Variants in PAQR5 observed in about 807,000 individuals in gnomAD.
PAQR5 encodes progestin and adipoQ receptor family member 5.
Under a neutral mutation model 34.5 loss-of-function variants are expected in PAQR5, and 20 were observed. The ratio of observed to expected loss-of-function variants is 0.58; its 90% CI spans 0.41 to 0.84. The LOEUF is 0.84. Among genes scored for constraint, PAQR5 ranks in the 40% least tolerant of loss-of-function variants. The pLI, the probability that PAQR5 is intolerant of heterozygous loss-of-function variation, is 0.00. For synonymous variants in PAQR5, 131 were observed against 155.6 expected (o/e 0.84, Z 1.18); for missense variants, 378 against 412.7 (o/e 0.92, Z 0.73).
At chr15:69,351,026 A>G (rs2054904164) in intron 2 of PAQR5, among the ~76,000 whole-genome samples, 1 of 152,216 alleles carries the variant, frequency 6.6e-6, no homozygotes, top group African/African-American at 2.4e-5. Flanking sequence ...TGAGCTGATC[A>G]GTGGAGTTTT....
rs2056064485 is a variant in PAQR5 at position 69,384,855 on chromosome 15, T to C, written c.358T>C (p.Tyr120His). 1 of 1,614,042 alleles carries C rather than the reference T, an allele frequency of 6.2e-7. No homozygotes were observed. Among genetic ancestry groups the C allele is most frequent in the Non-Finnish European group, 8.5e-7 (1 of 1,179,948 alleles). The change falls in exon 5 of 9, where the codon TAT becomes CAT. Residue 120 changes from tyrosine (Y) to histidine (H), a missense_variant. Coordinates refer to ENST00000395407, the MANE Select transcript of PAQR5 (RefSeq NM_017705.4). The part of the protein sequence containing the change: ...NARHICYFLD[Y>H]GAVNLFSLGS... ...CCGGCACATTTGCTACTTCCTGGAC[T>C]ATGGTGCCGTCAACCTCTTCAGCCT...
At chr15:69,400,150 G>GC in intron 8 of PAQR5, 35 bp downstream of exon 8, 1 of 1,591,702 alleles carries the variant, frequency 6.3e-7, no homozygotes, top group Non-Finnish European at 8.6e-7. Context: ...TCTGCTCATT[G>GC]CCCTCCTGAC....
At chr15:69,333,718 AGCTGCTTATTT>A (rs2054445479) in intron 1 of PAQR5, among the ~76,000 whole-genome samples, 2 of 152,142 alleles carry the variant, frequency 1.3e-5, no homozygotes, top group African/African-American at 2.4e-5. Flanking sequence ...CTTTGCCTTC[AGCTGCTTATTT>A]GCTGCTTATT....
intron 3 of PAQR5, 50 bp from the exon 4 acceptor site, chr15:69,379,833 C>T (rs563874983): frequency 7.5e-6 from 12 of 1,590,922 alleles, no homozygotes; most frequent in Admixed American, 3.4e-5. Flanking sequence ...CAGAGACCTT[C>T]GTGCCACCCT....
At chr15:69,343,591 G>C (rs2054693814) in intron 2 of PAQR5, among the ~76,000 whole-genome samples, 1 of 152,170 alleles carries the variant, frequency 6.6e-6, no homozygotes, top group African/African-American at 2.4e-5. Context: ...TAAGCCAATT[G>C]CTTATTCACA....
intron 1 of PAQR5, among the ~76,000 whole-genome samples, chr15:69,320,039 G>A (rs1007120921): frequency 5.9e-5 from 9 of 152,248 alleles, no homozygotes; most frequent in Non-Finnish European, 1.2e-4. Context: ...ATAGGATCTC[G>A]CCTTCCCCCG....
rs374870978 is a variant in PAQR5, at chr15:69,401,461, G to C, written c.751+1346G>C. Among the ~76,000 whole-genome samples, 139 of 152,306 alleles carry C rather than the reference G, an allele frequency of 9.1e-4. 6 individuals are homozygous for C. In the South Asian group the frequency reaches 0.027, roughly 30 times the overall value. ...TTTCCAAAAAGGAGGAAAAGGAGAG[G>C]CCAGGGAATCGGAGTCACCAGCATC... On this transcript the variant is annotated intron_variant, in intron 8 of 8. Coordinates refer to ENST00000395407, the MANE Select transcript of PAQR5 (RefSeq NM_017705.4).
At chr15:69,337,917 A>C (rs575525146) in intron 2 of PAQR5, among the ~76,000 whole-genome samples, 1 of 152,200 alleles carries the variant, frequency 6.6e-6, no homozygotes, top group African/African-American at 2.4e-5. Context: ...TCTATTAAAA[A>C]AATACAAAAA....
intron 1 of PAQR5, among the ~76,000 whole-genome samples, chr15:69,336,028 G>GA (rs1156591793): frequency 1.3e-5 from 2 of 151,788 alleles, no homozygotes; most frequent in East Asian, 3.8e-4. Flanking sequence ...TAAGTGGCAG[G>GA]AAAAAAAAGG....
At chr15:69,398,166 T>C (rs775042499) in intron 7 of PAQR5, among the ~76,000 whole-genome samples, 13 of 152,136 alleles carry the variant, frequency 8.5e-5, no homozygotes, top group African/African-American at 2.4e-5. Flanking sequence ...AGTTCGGGAA[T>C]GCATTGTTCC....
chr15:69,339,986 C>A lies in PAQR5; in HGVS notation c.-116+2485C>A, dbSNP rs562098762. 1.1e-4 allele frequency among the ~76,000 whole-genome samples: 17 copies of A among 152,344 alleles called. No individual in the cohort carries two copies. In the South Asian group the frequency reaches 3.5e-3, roughly 32 times the overall value. ...GGTTCAAGCGATTCTTCTACCTCAGCCTCCTGAGTAGCTGGGATTACAGGC... is the reference window on the plus strand; with the variant it reads ...GGTTCAAGCGATTCTTCTACCTCAGACTCCTGAGTAGCTGGGATTACAGGC... On this transcript the variant is annotated intron_variant, in intron 2 of 8. Transcript: ENST00000395407.
chr15:69,306,814 C>T lies in PAQR5; in HGVS notation c.-277+7758C>T, dbSNP rs561210804. On this transcript the variant is annotated intron_variant, in intron 1 of 8. Transcript: ENST00000395407. Reference sequence around the variant, plus strand: ...CCTTTTTATCATCTCCCAGATGAAACTCTGTACCCAGTAAACAATAATTTC... The same window carrying T: ...CCTTTTTATCATCTCCCAGATGAAATTCTGTACCCAGTAAACAATAATTTC... Among the ~76,000 whole-genome samples the T allele has an allele frequency of 2.0e-4, 31 of 152,298 alleles. 1 individual carries two copies. Among genetic ancestry groups the T allele is most frequent in the Admixed American group, 1.8e-3 (27 of 15,284 alleles).
chr15:69,368,858 T>G (rs1010785216), intron 3 of PAQR5, among the ~76,000 whole-genome samples: 18 of 152,096 alleles, frequency 1.2e-4, no homozygotes, highest in African/African-American at 4.1e-4. Context: ...CTTAAACTCT[T>G]GGGCTCAAGT....
rs571035385 is a variant in PAQR5, at chr15:69,372,995, G to A, written c.52-6888G>A. Among the ~76,000 whole-genome samples, 39 of 152,320 alleles carry A rather than the reference G, an allele frequency of 2.6e-4. 1 individual carries two copies. The South Asian group carries it at 6.2e-3, about 24-fold the overall frequency. ...TAAAATCTAGGCTTTGGTGGATGCT[G>A]TTGGGGAGAATGTCTCCTTACCTTT... On this transcript the variant is annotated intron_variant, in intron 3 of 8. Transcript: ENST00000395407.
chr15:69,312,593 G>A (rs985607992), intron 1 of PAQR5, among the ~76,000 whole-genome samples: 10 of 151,370 alleles, frequency 6.6e-5, no homozygotes, highest in African/African-American at 2.4e-4. Flanking sequence ...CCCTCTTGGT[G>A]CCTTCTTCCT....
At chr15:69,344,655 A>T (rs558838032) in intron 2 of PAQR5, among the ~76,000 whole-genome samples, 19 of 152,402 alleles carry the variant, frequency 1.2e-4, no homozygotes, top group Non-Finnish European at 8.8e-5. Context: ...AGCAATTAGC[A>T]TTAAATGCAG....
At chr15:69,402,016 G>A (rs139812837) in intron 8 of PAQR5, among the ~76,000 whole-genome samples, 1,525 of 152,286 alleles carry the variant, frequency 0.01, 29 homozygotes, top group African/African-American at 0.035. Context: ...TTACAGGTGT[G>A]AGCCACCATG....
At chr15:69,365,102 ATTTTATTT>A (rs936964826) in intron 3 of PAQR5, among the ~76,000 whole-genome samples, 8 of 101,944 alleles carry the variant, frequency 7.8e-5, no homozygotes, top group African/African-American at 3.0e-4. Flanking sequence ...ATTTTATTTT[ATTTTATTT>A]TATTTATTTA....
intron 2 of PAQR5, among the ~76,000 whole-genome samples, chr15:69,355,388 C>T (rs1362681066): frequency 2.1e-5 from 1 of 48,656 alleles, no homozygotes; most frequent in African/African-American, 7.7e-5. Context: ...TTCTTTCTTT[C>T]TCTTTCTTTC....
Sources: allele counts gnomAD v4.1 joint callset (sites outside exome capture counted in the v4.1 genomes callset), GRCh38; gene constraint gnomAD v4.1.1; transcripts MANE v1.5; gene names NCBI Gene and HGNC (gene_info 2026-07-23, HGNC 2026-07-21).